PPFIA2: variants seen among roughly 807,000 people sequenced by gnomAD.
PPFIA2 encodes the protein PPFI scaffold protein A2.
PPFIA2 carries 46 observed loss-of-function variants against 175.5 expected under a neutral mutation model. That is an observed-to-expected ratio of 0.26 (90% CI 0.21 to 0.34). The LOEUF (loss-of-function observed/expected upper bound fraction) is 0.34, where lower values mean the gene tolerates loss of function less well. Among genes scored for constraint, PPFIA2 ranks in the 10% least tolerant of loss-of-function variants. The pLI is 1.00. For synonymous variants in PPFIA2, 568 were observed against 511.4 expected, an observed-to-expected ratio of 1.11 and a Z score of -1.49; for missense variants, 1,179 against 1,506.1, an observed-to-expected ratio of 0.78 and a Z score of 3.60.
rs535265857 is a variant in PPFIA2 at position 81,450,229 on chromosome 12, C to T, written c.406-4509G>A. On this transcript the variant is annotated intron_variant, in intron 5 of 32. Transcript: ENST00000549396. ...GGAATTGCCACACTGTCTTCCACAACGGTTGAACTAGTTTACAGTCCCACC... is the reference window on the plus strand; with the variant it reads ...GGAATTGCCACACTGTCTTCCACAATGGTTGAACTAGTTTACAGTCCCACC... Among the ~76,000 whole-genome samples, 327 of 152,260 alleles carry T rather than the reference C, an allele frequency of 2.1e-3. 2 individuals are homozygous for T. The highest frequency in any genetic ancestry group is 7.3e-3 in the African/African-American group (305 of 41,560).
intron 9 of PPFIA2, among the ~76,000 whole-genome samples, chr12:81,381,132 G>T (rs546823918): frequency 9.9e-5 from 15 of 152,170 alleles, no homozygotes; most frequent in South Asian, 6.2e-4. Context: ...TGCCAGCCTG[G>T]CTCTGAAAAC....
chr12:81,601,529 TCC>T (rs990669187), intron 4 of PPFIA2, among the ~76,000 whole-genome samples: 6 of 151,916 alleles, frequency 3.9e-5, no homozygotes, highest in Non-Finnish European at 1.5e-5. Context: ...AAAAAACACA[TCC>T]CTTTAACTCA....
intron 4 of PPFIA2, chr12:81,506,055 G>C (rs2061136097): frequency 6.6e-6 from 1 of 152,160 alleles, no homozygotes; most frequent in Non-Finnish European, 1.5e-5. Flanking sequence ...TGTACAGTAA[G>C]CATTTAGTAC....
chr12:81,618,912 T>C lies in PPFIA2; in HGVS notation c.303+57879A>G, dbSNP rs144258735. 3.2e-3 allele frequency among the ~76,000 whole-genome samples: 493 copies of C among 152,326 alleles called. 3 individuals carry two copies. The highest frequency in any genetic ancestry group is 0.022 in the Admixed American group (343 of 15,294). On this transcript the variant is annotated intron_variant, in intron 4 of 32. Transcript: ENST00000549396. ...CATTCATTAATTCAACAATTATTAG[T>C]CGAGTACCTATAATAGTCTAGGCTT...
At chr12:81,737,458 GATGAAGATAATA>G (rs2081752069) in intron 3 of PPFIA2, among the ~76,000 whole-genome samples, 11 of 152,092 alleles carry the variant, frequency 7.2e-5, no homozygotes, top group South Asian at 4.1e-4. Context: ...GTTCCCTCTA[GATGAAGATAATA>G]TTCTCCTAGA....
intron 27 of PPFIA2, among the ~76,000 whole-genome samples, chr12:81,279,933 A>T (rs1352478758): frequency 6.6e-6 from 1 of 152,208 alleles, no homozygotes; most frequent in African/African-American, 2.4e-5. Flanking sequence ...TGTTAACTAA[A>T]AAATGAGGTG....
chr12:81,596,938 T>G (rs374289749), intron 4 of PPFIA2, among the ~76,000 whole-genome samples: 1 of 152,246 alleles, frequency 6.6e-6, no homozygotes, highest in East Asian at 1.9e-4. Context: ...TTATATCTAC[T>G]GCCTACAGTT....
At chr12:81,745,047 A>G (rs1164967562) in intron 3 of PPFIA2, among the ~76,000 whole-genome samples, 3 of 152,224 alleles carry the variant, frequency 2.0e-5, no homozygotes, top group Admixed American at 2.0e-4. Flanking sequence ...TAACCATTTT[A>G]TCTCCTCTGA....
At chr12:81,301,501 G>A (rs1245283561) in intron 22 of PPFIA2, among the ~76,000 whole-genome samples, 2 of 152,090 alleles carry the variant, frequency 1.3e-5, no homozygotes, top group African/African-American at 2.4e-5. Flanking sequence ...CTTCTGACTA[G>A]TTCCCTAATA....
chr12:81,516,489 C>A (rs2062458716), intron 4 of PPFIA2, among the ~76,000 whole-genome samples: 1 of 152,130 alleles, frequency 6.6e-6, no homozygotes, highest in African/African-American at 2.4e-5. Flanking sequence ...GAAATAGGGT[C>A]TTTGCAGACG....
intron 7 of PPFIA2, among the ~76,000 whole-genome samples, chr12:81,427,122 T>C (rs191580141): frequency 2.6e-5 from 4 of 152,206 alleles, no homozygotes; most frequent in Non-Finnish European, 4.4e-5. Context: ...ATAATTCATG[T>C]ATATATACTA....
At position 81,347,691 on chromosome 12, in the gene PPFIA2, C is replaced by G. The variant is rs1164612457; in HGVS notation, c.2074G>C (p.Gly692Arg). 1 of 1,613,850 alleles carries G rather than the reference C, an allele frequency of 6.2e-7. No homozygotes were observed. The highest frequency in any genetic ancestry group is 1.7e-5 in the Admixed American group (1 of 60,006). ...ENRVASVSLE[G>R]LNLARVHPGT... ...GGGTGGACCCTTGCCAAATTCAGGC[C>G]TTCGAGGCTCACACTAGCCACTCTA... Residue 692 changes from glycine to arginine, a missense_variant, in exon 18 of 33, where the codon GGC becomes CGC. Transcript: ENST00000549396.
intron 6 of PPFIA2, 75 bp downstream of exon 6, chr12:81,445,481 C>T (rs995284181): frequency 1.4e-6 from 2 of 1,412,942 alleles, no homozygotes; most frequent in African/African-American, 2.9e-5. Context: ...TCAGGTGAGT[C>T]AATGGATGAA....
chr12:81,337,059 G>A (rs1486765250), intron 21 of PPFIA2, among the ~76,000 whole-genome samples: 1 of 151,990 alleles, frequency 6.6e-6, no homozygotes, highest in Non-Finnish European at 1.5e-5. Context: ...GTATCAGTGG[G>A]GCCCATGTAT....
At chr12:81,570,130 T>A (rs1432047946) in intron 4 of PPFIA2, among the ~76,000 whole-genome samples, 1 of 152,176 alleles carries the variant, frequency 6.6e-6, no homozygotes, top group African/African-American at 2.4e-5. Flanking sequence ...TTCTCAAATA[T>A]ATGATGGCTA....
intron 4 of PPFIA2, among the ~76,000 whole-genome samples, chr12:81,585,507 T>C (rs2075180459): frequency 6.6e-6 from 1 of 151,968 alleles, no homozygotes; most frequent in South Asian, 2.1e-4. Context: ...TTTTTGTTTT[T>C]ACTTTTTAAA....
chr12:81,517,957 G>T (rs7135462), intron 4 of PPFIA2, among the ~76,000 whole-genome samples: 4 of 116,512 alleles, frequency 3.4e-5, no homozygotes, highest in Non-Finnish European at 6.8e-5. Context: ...TGGGGTGGGG[G>T]GAGGGATACC....
intron 4 of PPFIA2, among the ~76,000 whole-genome samples, chr12:81,618,010 C>T (rs555290396): frequency 4.6e-5 from 7 of 152,206 alleles, no homozygotes; most frequent in African/African-American, 1.7e-4. Context: ...ATTTTAAATC[C>T]TCCATTAAGT....
intron 22 of PPFIA2, among the ~76,000 whole-genome samples, chr12:81,323,490 G>A (rs117720387): frequency 0.014 from 2,050 of 151,734 alleles, 48 homozygotes; most frequent in East Asian, 0.048. Flanking sequence ...CATCCTGATA[G>A]AAGACTAGCA....
Sources: allele counts gnomAD v4.1 joint callset (sites outside exome capture counted in the v4.1 genomes callset), GRCh38; gene constraint gnomAD v4.1.1; transcripts MANE v1.5; gene names NCBI Gene and HGNC (gene_info 2026-07-23, HGNC 2026-07-21).